FILIP1: variants seen among roughly 807,000 people sequenced by gnomAD.
The protein encoded by FILIP1 is filamin-A-interacting protein 1.
FILIP1 carries 61 observed loss-of-function variants against 102.1 expected under a neutral mutation model. That is an observed-to-expected ratio of 0.60 (90% CI 0.49 to 0.74). FILIP1 has a LOEUF of 0.74. Ranked by LOEUF, FILIP1 falls within the 30% of genes least tolerant of loss-of-function variation. The pLI is 0.00. For synonymous variants in FILIP1, 491 were observed against 526.9 expected (o/e 0.93, Z 0.93); for missense variants, 1,314 against 1,441.2 (o/e 0.91, Z 1.43).
At chr6:75,389,587 T>C (rs890927292) in intron 2 of FILIP1, among the ~76,000 whole-genome samples, 10 of 152,214 alleles carry the variant, frequency 6.6e-5, no homozygotes, top group African/African-American at 2.4e-4. Context: ...GACTTCTTCC[T>C]GGTTTAGTAT....
chr6:75,317,306 T>C (rs1446909036), intron 4 of FILIP1, among the ~76,000 whole-genome samples: 2 of 152,200 alleles, frequency 1.3e-5, no homozygotes, highest in Non-Finnish European at 2.9e-5. Flanking sequence ...AAGCAGGATA[T>C]AAATAAATCC....
chr6:75,448,730 CAT>C (rs1192106303), intron 1 of FILIP1, among the ~76,000 whole-genome samples: 3 of 152,034 alleles, frequency 2.0e-5, no homozygotes, highest in Non-Finnish European at 2.9e-5. Context: ...GGCCAACAAA[CAT>C]ATGAAAAAAT....
intron 2 of FILIP1, among the ~76,000 whole-genome samples, chr6:75,402,957 G>T (rs145920012): frequency 3.3e-5 from 5 of 152,258 alleles, no homozygotes; most frequent in African/African-American, 1.2e-4. Context: ...GTTACTAATA[G>T]AGTAACAATG....
intron 4 of FILIP1, among the ~76,000 whole-genome samples, chr6:75,323,265 A>C (rs1240454121): frequency 6.6e-6 from 1 of 152,196 alleles, no homozygotes; most frequent in Admixed American, 6.5e-5. Context: ...TCAACTTTAT[A>C]TTCCCAAACA....
chr6:75,448,464 C>T (rs1313525255), intron 1 of FILIP1, among the ~76,000 whole-genome samples: 1 of 152,044 alleles, frequency 6.6e-6, no homozygotes, highest in Non-Finnish European at 1.5e-5. Context: ...TGTCCAGGAA[C>T]CCAAAAGCAA....
chr6:75,304,337 G>A (rs1188895978), downstream of FILIP1, among the ~76,000 whole-genome samples: 6 of 151,962 alleles, frequency 3.9e-5, no homozygotes, highest in East Asian at 1.9e-4. Flanking sequence ...TCAGCTTCCC[G>A]AGTAGCTGGG....
chr6:75,475,321 A>G (rs984686172), intron 1 of FILIP1, among the ~76,000 whole-genome samples: 1 of 152,232 alleles, frequency 6.6e-6, no homozygotes, highest in Non-Finnish European at 1.5e-5. Context: ...TTAGCCTTCC[A>G]CAAGGAAATA....
chr6:75,392,636 T>A (rs1290192950), intron 2 of FILIP1, among the ~76,000 whole-genome samples: 1 of 152,110 alleles, frequency 6.6e-6, no homozygotes, highest in Non-Finnish European at 1.5e-5. Flanking sequence ...ATCTTAGCAC[T>A]TTCCCCCCAC....
intron 1 of FILIP1, among the ~76,000 whole-genome samples, chr6:75,426,533 A>G (rs992935980): frequency 6.6e-6 from 1 of 152,116 alleles, no homozygotes; most frequent in African/African-American, 2.4e-5. Context: ...TGCCCAGCAA[A>G]AGTGGAAGGT....
downstream of FILIP1, among the ~76,000 whole-genome samples, chr6:75,304,397 C>G (rs1772923620): frequency 6.6e-6 from 1 of 151,938 alleles, no homozygotes; most frequent in South Asian, 2.1e-4. Context: ...ATTTTTGAGG[C>G]TGCAGTCTAG....
chr6:75,309,497 G>A (rs1582315422), intron 5 of FILIP1, among the ~76,000 whole-genome samples: 1 of 152,210 alleles, frequency 6.6e-6, no homozygotes, highest in Middle Eastern at 3.4e-3. Context: ...GTGTCACCAT[G>A]TTCCATTCTC....
At chr6:75,416,164 C>T (rs1777263168) in intron 1 of FILIP1, among the ~76,000 whole-genome samples, 1 of 152,088 alleles carries the variant, frequency 6.6e-6, no homozygotes, top group Non-Finnish European at 1.5e-5. Flanking sequence ...CCCAACCATA[C>T]TTAAGAAACT....
chr6:75,323,657 G>A (rs1209150413), intron 4 of FILIP1, among the ~76,000 whole-genome samples: 2 of 152,102 alleles, frequency 1.3e-5, no homozygotes, highest in African/African-American at 4.8e-5. Flanking sequence ...TACTTCAAGA[G>A]GCTCTTAAAA....
chr6:75,299,742 A>G (rs1772783698), intron 6 of FILIP1, among the ~76,000 whole-genome samples: 1 of 152,160 alleles, frequency 6.6e-6, no homozygotes, highest in African/African-American at 2.4e-5. Flanking sequence ...AGTTTTTATG[A>G]AGTCTTTTAG....
intron 1 of FILIP1, among the ~76,000 whole-genome samples, chr6:75,432,976 C>T (rs2149710071): frequency 6.6e-6 from 1 of 152,284 alleles, no homozygotes; most frequent in Non-Finnish European, 1.5e-5. Context: ...TGGTTTCCAG[C>T]TTCATCCATG....
At position 75,353,640 on chromosome 6, in the gene FILIP1, A is replaced by G. The variant is rs1209184305; in HGVS notation, c.528T>C (p.His176=). The change falls in exon 4 of 6, where the codon CAT becomes CAC. Residue 176 remains histidine, a synonymous_variant. Coordinates refer to ENST00000237172, the MANE Select transcript of FILIP1 (RefSeq NM_015687.5). The part of the protein sequence containing the change: ...LEQLLLAEKC[H]RRTVYELENE... ...TCTCTAACTCGTATACGGTGCGCCT[A>G]TGACACTTCTCGGCCAGCAACAGCT... 1.2e-6 allele frequency: 2 copies of G among 1,614,062 alleles called. No homozygotes were observed. Among genetic ancestry groups the G allele is most frequent in the Non-Finnish European group, 1.7e-6 (2 of 1,180,046 alleles).
rs986895318 is a variant in FILIP1, at chr6:75,493,717, C to T, written c.-310G>A. 2 of 152,176 alleles carry T rather than the reference C, an allele frequency of 1.3e-5. No individual in the cohort carries two copies. Among genetic ancestry groups the T allele is most frequent in the Non-Finnish European group, 1.5e-5 (1 of 68,032 alleles). The allele number at this position is 152,176 out of a possible 1,614,324, so 9.4% of individuals were successfully genotyped here. On this transcript the variant is annotated 5_prime_UTR_variant, in exon 1 of 6. Coordinates refer to ENST00000237172, the MANE Select transcript of FILIP1 (RefSeq NM_015687.5). ...GACTTTTGTTTAAAAGTTTTTTCTA[C>T]TGTTGCTAGGTGTTGTTGGGTTCGG...
chr6:75,356,006 C>CG (rs1326122376), intron 3 of FILIP1, among the ~76,000 whole-genome samples: 1 of 152,180 alleles, frequency 6.6e-6, no homozygotes, highest in Non-Finnish European at 1.5e-5. Context: ...TAAGCCCCAC[C>CG]TCCTGTGTGA....
intron 1 of FILIP1, among the ~76,000 whole-genome samples, chr6:75,434,856 C>T (rs1014801406): frequency 3.3e-5 from 5 of 152,160 alleles, no homozygotes; most frequent in African/African-American, 7.2e-5. Flanking sequence ...TTTTGAGATA[C>T]GTCCCATCAA....
Sources: allele counts gnomAD v4.1 joint callset (sites outside exome capture counted in the v4.1 genomes callset), GRCh38; gene constraint gnomAD v4.1.1; transcripts MANE v1.5; gene names NCBI Gene and HGNC (gene_info 2026-07-23, HGNC 2026-07-21).